The following ART5 variants were observed in gnomAD, a reference collection of about 807,000 sequenced individuals.
ART5 encodes ecto-ADP-ribosyltransferase 5.
ART5 carries 22 observed loss-of-function variants against 25.0 expected under a neutral mutation model. The ratio of observed to expected loss-of-function variants is 0.88; its 90% CI spans 0.63 to 1.26. The LOEUF (loss-of-function observed/expected upper bound fraction) is 1.26, where lower values mean the gene tolerates loss of function less well. Among genes scored for constraint, ART5 ranks in the 50% most tolerant of loss-of-function variants. The probability of loss-of-function intolerance (pLI) is 0.00; values close to 1 mark genes in which losing one functional copy is unlikely to be tolerated. For synonymous variants in ART5, 161 were observed against 154.8 expected, an observed-to-expected ratio of 1.04 and a Z score of -0.30; for missense variants, 402 against 372.8, an observed-to-expected ratio of 1.08 and a Z score of -0.64.
intron 2 of ART5, 67 bp downstream of exon 2, chr11:3,639,575 T>C: frequency 6.6e-7 from 1 of 1,525,822 alleles, no homozygotes. Flanking sequence ...CCGGGGATTA[T>C]TGTGTAAGGA....
upstream of ART5, chr11:3,642,077 C>T (rs968761678): frequency 3.1e-5 from 44 of 1,412,308 alleles, no homozygotes; most frequent in Non-Finnish European, 3.7e-5. Flanking sequence ...CCCCACACCC[C>T]TTCCTCAGAG....
intron 1 of ART5, among the ~76,000 whole-genome samples, chr11:3,640,748 G>GT (rs2077384618): frequency 6.6e-6 from 1 of 151,642 alleles, no homozygotes; most frequent in Non-Finnish European, 1.5e-5. Flanking sequence ...TTGTTTTTGT[G>GT]TTTGTTTCTT....
Position 3,640,059 on chromosome 11 carries a change from A to G in ART5, c.370T>C (p.Tyr124His). 1 of 1,614,200 alleles carries G rather than the reference A, an allele frequency of 6.2e-7. No homozygotes were observed. The highest frequency in any genetic ancestry group is 2.2e-5 in the East Asian group (1 of 44,880). Residue 124 changes from tyrosine (Y) to histidine (H), a missense_variant, in exon 2 of 4, where the codon TAC (tyrosine) becomes CAC (histidine). Transcript: ENST00000397068. ...VRTGGGSRELYMRHFPFKALH... is the reference protein window; with the variant it reads ...VRTGGGSRELHMRHFPFKALH... ...GCCTTGAAGGGAAAGTGCCTCATGT[A>G]GAGCTCCCGGGAGCCTCCGCCCGTC...
At chr11:3,639,209 C>T (rs1051212575) in intron 2 of ART5, among the ~76,000 whole-genome samples, 174 bp from the exon 3 acceptor site, 1 of 152,212 alleles carries the variant, frequency 6.6e-6, no homozygotes, top group Non-Finnish European at 1.5e-5. Flanking sequence ...TCCAGATTGC[C>T]TTTCCATCCC....
chr11:3,639,631 G>A lies in ART5; in HGVS notation c.787+11C>T. 1 of 1,603,486 alleles carries A rather than the reference G, an allele frequency of 6.2e-7. No homozygotes were observed. Among genetic ancestry groups the A allele is most frequent in the South Asian group, 1.1e-5 (1 of 89,530 alleles). ...ACACTGCCAGTCCTGCTTCCCCCAT[G>A]CACAGCTTACCACCCAGATAGGCGC... On this transcript the variant is annotated intron_variant, in intron 2 of 3. Coordinates refer to ENST00000397068, the MANE Select transcript of ART5 (RefSeq NM_053017.5).
chr11:3,640,915 G>C (rs1022362800), intron 1 of ART5, among the ~76,000 whole-genome samples: 3 of 151,394 alleles, frequency 2.0e-5, no homozygotes, highest in Non-Finnish European at 3.0e-5. Flanking sequence ...CTAATTTTTT[G>C]TATTTTTAGT....
chr11:3,640,441 C>T (rs2077379503), intron 1 of ART5, 70 bp from the exon 2 acceptor site: 2 of 1,478,156 alleles, frequency 1.4e-6, no homozygotes, highest in Non-Finnish European at 1.8e-6. Context: ...GTCCTGGGGG[C>T]AAACCCATCC....
chr11:3,639,052 G>A lies in ART5; in HGVS notation c.788-17C>T. On this transcript the variant is annotated splice_polypyrimidine_tract_variant and intron_variant, in intron 2 of 3. Coordinates refer to ENST00000397068, the MANE Select transcript of ART5 (RefSeq NM_053017.5). ...TCTTCTCCCCTGCAACAGACAGCAG[G>A]GTGAGGCCTCCGCGTGGACAGACTC... The A allele has an allele frequency of 5.8e-6, 9 of 1,551,028 alleles. No homozygotes were observed. The highest frequency in any genetic ancestry group is 7.8e-6 in the Non-Finnish European group (9 of 1,147,502).
At position 3,639,021 on chromosome 11, in the gene ART5, C is replaced by T. The variant is rs2077352616; in HGVS notation, c.802G>A (p.Gly268Ser). Residue 268 changes from glycine (G) to serine (S), a missense_variant, in exon 3 of 4, where the codon GGC becomes AGC. Physicochemically the swap from Gly to Ser is moderately conservative, Grantham distance 56 (BLOSUM62 0). Transcript: ENST00000397068. ...AACTCACCTGGCGCAGACACACAGC[C>T]CCGCCTCTTCTCCCCTGCAACAGAC... ...CAYLGGEKRRGCVSAPGALGT... is the reference protein window; with the variant it reads ...CAYLGGEKRRSCVSAPGALGT... 1.3e-6 allele frequency: 2 copies of T among 1,552,886 alleles called. No homozygotes were observed. The highest frequency in any genetic ancestry group is 1.4e-5 in the African/African-American group (1 of 73,086).
Position 3,639,859 on chromosome 11 carries a change from C to T in ART5, c.570G>A (p.Val190=). ...QFASSSLDKA[V]AHRFGNATLF... is the part of the protein sequence containing the mutation. ...GGGTGGCATTACCAAATCTGTGGGC[C>T]ACTGCCTTATCCAGGGAGCTGGAGG... The change falls in exon 2 of 4, where the codon GTG becomes GTA. Residue 190 remains valine (V), a synonymous_variant. Coordinates refer to ENST00000397068, the MANE Select transcript of ART5 (RefSeq NM_053017.5). 1 of 1,614,188 alleles carries T rather than the reference C, an allele frequency of 6.2e-7. No individual in the cohort carries two copies. Among genetic ancestry groups the T allele is most frequent in the South Asian group, 1.1e-5 (1 of 91,082 alleles).
rs955236554 is a variant in ART5 at position 3,639,024 on chromosome 11, G to A, written c.799C>T (p.Arg267Trp). 47 of 1,552,930 alleles carry A rather than the reference G, an allele frequency of 3.0e-5. No homozygotes were observed. The highest frequency in any genetic ancestry group is 5.8e-5 in the Admixed American group (3 of 51,354). Residue 267 changes from arginine (R) to tryptophan (W), a missense_variant, in exon 3 of 4, where the codon CGG (arginine) becomes TGG (tryptophan). Physicochemically the swap from Arg to Trp is moderately radical, Grantham distance 101. Transcript: ENST00000397068. ...NCAYLGGEKR[R>W]GCVSAPGALG... ...TCACCTGGCGCAGACACACAGCCCC[G>A]CCTCTTCTCCCCTGCAACAGACAGC...
intron 2 of ART5, 134 bp from the exon 3 acceptor site, chr11:3,639,169 C>T: frequency 9.6e-7 from 1 of 1,036,830 alleles, no homozygotes; most frequent in Non-Finnish European, 1.4e-6. Context: ...CTTCTGATTT[C>T]CCTTCCTCCT....
chr11:3,642,258 G>A, upstream of ART5: 2 of 1,064,346 alleles, frequency 1.9e-6, no homozygotes, highest in Non-Finnish European at 2.3e-6. Flanking sequence ...GGAGTCCGGA[G>A]TCCGGCTGAA....
chr11:3,641,662 G>T (rs72844325), intron 1 of ART5, 144 bp downstream of exon 1: 352,675 of 1,422,910 alleles, frequency 0.25, 45,227 homozygotes, highest in Admixed American at 0.39. Flanking sequence ...AGAGATGGAG[G>T]TTCCTGAGAG....
At chr11:3,640,480 A>C (rs1009216286) in intron 1 of ART5, 109 bp from the exon 2 acceptor site, 12 of 1,358,352 alleles carry the variant, frequency 8.8e-6, no homozygotes, top group South Asian at 1.5e-5. Flanking sequence ...TTCTATCCCT[A>C]AATATCAGGT....
In ART5 at chr11:3,639,808, C is replaced by T. The variant is rs1287837286; in HGVS notation, c.621G>A (p.Gly207=). The part of the protein sequence containing the change: ...ATLFSLTTCF[G]APIQAFSVFP... ...AGACAGAGAAGGCCTGTATAGGGGC[C>T]CCAAAGCAAGTTGTTAGAGAGAAGA... Residue 207 remains glycine, a synonymous_variant, in exon 2 of 4, where the codon GGG becomes GGA. Transcript: ENST00000397068. The T allele has an allele frequency of 3.7e-6, 6 of 1,614,168 alleles. No homozygotes were observed. The South Asian group carries it at 6.6e-5, about 18-fold the overall frequency.
chr11:3,642,329 G>A (rs915704460), upstream of ART5: 14 of 993,786 alleles, frequency 1.4e-5, no homozygotes, highest in East Asian at 2.1e-4. Context: ...CCCTTTCCCA[G>A]CGCCGCACGC....
upstream of ART5, chr11:3,642,337 C>G (rs1348384339): frequency 5.1e-6 from 5 of 983,422 alleles, no homozygotes; most frequent in Middle Eastern, 5.1e-4. Flanking sequence ...CAGCGCCGCA[C>G]GCGGGGCCGG....
rs2077371962 is a variant in ART5, at chr11:3,640,075, T to C, written c.354A>G (p.Gly118=). The C allele has an allele frequency of 1.2e-6, 2 of 1,614,160 alleles. No homozygotes were observed. Among genetic ancestry groups the C allele is most frequent in the South Asian group, 2.2e-5 (2 of 91,080 alleles). The change falls in exon 2 of 4, where the codon GGA becomes GGG. Residue 118 remains glycine (G), a synonymous_variant. Coordinates refer to ENST00000397068, the MANE Select transcript of ART5 (RefSeq NM_053017.5). Reference sequence around the variant, plus strand: ...GCCTCATGTAGAGCTCCCGGGAGCCTCCGCCCGTCCGCACGGCCTGATTCA... The same window carrying C: ...GCCTCATGTAGAGCTCCCGGGAGCCCCCGCCCGTCCGCACGGCCTGATTCA... ...WELNQAVRTG[G]GSRELYMRHF...
Sources: gnomAD v4.1 joint callset for allele counts (sites outside exome capture counted in the v4.1 genomes callset) on GRCh38, gnomAD v4.1.1 for gene constraint, MANE v1.5 for transcripts, NCBI Gene and HGNC (gene_info 2026-07-23, HGNC 2026-07-21) for gene names.